Variants in SOX5 observed in about 807,000 individuals in gnomAD.
The protein encoded by SOX5 is SRY-box transcription factor 5.
A neutral mutation model predicts 92.0 loss-of-function variants in SOX5; 9 were observed. That is an observed-to-expected ratio of 0.10 (90% confidence interval 0.06 to 0.17). SOX5 has a LOEUF of 0.17. SOX5 is among the 10% of genes least tolerant of loss of function. The pLI is 1.00. For synonymous variants in SOX5, 344 were observed against 336.3 expected (o/e 1.02, Z -0.25); for missense variants, 642 against 944.5 (o/e 0.68, Z 4.20).
At chr12:23,803,939 T>C (rs1220479352) in intron 3 of SOX5, among the ~76,000 whole-genome samples, 2 of 152,296 alleles carry the variant, frequency 1.3e-5, no homozygotes, top group East Asian at 3.9e-4. Context: ...GTCCACAAAA[T>C]CTCAGATGCA....
At chr12:23,622,469 T>G (rs12426664) in intron 8 of SOX5, among the ~76,000 whole-genome samples, 17,939 of 152,144 alleles carry the variant, frequency 0.12, 1,266 homozygotes, top group Admixed American at 0.18. Flanking sequence ...AATGGTTGGT[T>G]GATATCAGTA....
At chr12:24,150,124 G>C (rs1207088512) in intron 4 of SOX5, among the ~76,000 whole-genome samples, 2 of 152,098 alleles carry the variant, frequency 1.3e-5, no homozygotes, top group African/African-American at 4.8e-5. Flanking sequence ...CTTCGAATAT[G>C]TGCAGTTCAT....
chr12:23,925,659 A>G (rs1939750357), intron 1 of SOX5, among the ~76,000 whole-genome samples: 2 of 152,082 alleles, frequency 1.3e-5, no homozygotes. Context: ...TTGAGGCTGA[A>G]TATTCTAGGC....
At chr12:23,692,567 A>T (rs1214828503) in intron 6 of SOX5, among the ~76,000 whole-genome samples, 1 of 152,248 alleles carries the variant, frequency 6.6e-6, no homozygotes, top group Non-Finnish European at 1.5e-5. Flanking sequence ...ATGACTTAAA[A>T]TATAACCAGT....
At chr12:24,293,275 G>C (rs1946821057) in intron 2 of SOX5, among the ~76,000 whole-genome samples, 1 of 152,172 alleles carries the variant, frequency 6.6e-6, no homozygotes, top group Non-Finnish European at 1.5e-5. Context: ...ATGCCCACAT[G>C]ATCACATTGC....
chr12:24,541,904 G>GTCAC (rs1246515154), intron 1 of SOX5, among the ~76,000 whole-genome samples: 5 of 152,112 alleles, frequency 3.3e-5, no homozygotes, highest in African/African-American at 9.7e-5. Flanking sequence ...GACCCATTTA[G>GTCAC]TCACGTAGCA....
chr12:23,856,916 CAG>C (rs368757550), intron 2 of SOX5, among the ~76,000 whole-genome samples: 41 of 152,222 alleles, frequency 2.7e-4, no homozygotes, highest in African/African-American at 9.4e-4. Context: ...ACCATGAAGA[CAG>C]GGAACATGTC....
Position 24,459,661 on chromosome 12 carries a change from A to G in SOX5, c.-250-91022T>C, listed in dbSNP as rs186173603. Among the ~76,000 whole-genome samples, 3 of 152,318 alleles carry G rather than the reference A, an allele frequency of 2.0e-5. No individual in the cohort carries two copies. In the East Asian group the frequency reaches 5.8e-4, roughly 29 times the overall value. ...ACAGGAGTATACAGGGTACCAAAGG[A>G]AAACTGTCTACTGTATCATTTTACT... On this transcript the variant is annotated intron_variant, in intron 1 of 4. Transcript: ENST00000446891.
At chr12:23,842,600 G>A (rs2096531867) in intron 3 of SOX5, among the ~76,000 whole-genome samples, 1 of 152,020 alleles carries the variant, frequency 6.6e-6, no homozygotes, top group African/African-American at 2.4e-5. Context: ...TCTAGCACTG[G>A]AGCAAGAAAT....
At chr12:23,586,410 G>A (rs1233274214) in intron 9 of SOX5, among the ~76,000 whole-genome samples, 6 of 151,998 alleles carry the variant, frequency 3.9e-5, no homozygotes, top group Admixed American at 2.6e-4. Flanking sequence ...AAGTGACTAG[G>A]AAACTTCGAT....
chr12:23,756,657 CCCAGTATGCT>C (rs2094392291), intron 3 of SOX5, among the ~76,000 whole-genome samples: 1 of 151,850 alleles, frequency 6.6e-6, no homozygotes, highest in Admixed American at 6.6e-5. Context: ...AGATAAGTGT[CCCAGTATGCT>C]CCATCTAAAT....
At chr12:24,156,050 C>T (rs143971222) in intron 4 of SOX5, among the ~76,000 whole-genome samples, 103 of 152,266 alleles carry the variant, frequency 6.8e-4, no homozygotes, top group African/African-American at 2.4e-3. Context: ...CCTTGTTTCT[C>T]GTGCTTAGCA....
chr12:24,473,265 A>AG (rs960674800), intron 1 of SOX5, among the ~76,000 whole-genome samples: 130 of 152,296 alleles, frequency 8.5e-4, no homozygotes, highest in Middle Eastern at 3.4e-3. Context: ...AGGAAAAAAA[A>AG]AAGCTCTCAT....
chr12:24,187,855 C>T (rs567444554), intron 4 of SOX5, among the ~76,000 whole-genome samples: 1 of 152,250 alleles, frequency 6.6e-6, no homozygotes, highest in South Asian at 2.1e-4. Flanking sequence ...TGCAGTCTTC[C>T]GTGGCTTAAG....
chr12:24,462,181 C>T (rs1943709628), intron 1 of SOX5, among the ~76,000 whole-genome samples: 1 of 152,226 alleles, frequency 6.6e-6, no homozygotes, highest in Admixed American at 6.5e-5. Flanking sequence ...CTATATGGCG[C>T]AGCCTATTAC....
At chr12:24,495,251 A>C (rs1438660111) in intron 1 of SOX5, among the ~76,000 whole-genome samples, 1 of 152,226 alleles carries the variant, frequency 6.6e-6, no homozygotes, top group African/African-American at 2.4e-5. Context: ...CCTGCAGCAC[A>C]GTATGGACCA....
At chr12:24,353,169 A>G (rs1176931892) in intron 2 of SOX5, among the ~76,000 whole-genome samples, 3 of 152,218 alleles carry the variant, frequency 2.0e-5, no homozygotes, top group Non-Finnish European at 4.4e-5. Flanking sequence ...ACCCGGCTCT[A>G]TAAGCTGCCC....
At chr12:24,051,376 A>G (rs575631384) in intron 4 of SOX5, among the ~76,000 whole-genome samples, 1 of 152,262 alleles carries the variant, frequency 6.6e-6, no homozygotes, top group South Asian at 2.1e-4. Flanking sequence ...CATAAACATA[A>G]GCACACACCC....
intron 4 of SOX5, among the ~76,000 whole-genome samples, chr12:23,749,017 G>T (rs2094098515): frequency 6.6e-6 from 1 of 151,838 alleles, no homozygotes; most frequent in African/African-American, 2.4e-5. Context: ...AACTAAGTTA[G>T]TCTAAATTTA....
Sources: allele counts gnomAD v4.1 joint callset (sites outside exome capture counted in the v4.1 genomes callset), GRCh38; gene constraint gnomAD v4.1.1; transcripts MANE v1.5; gene names NCBI Gene and HGNC (gene_info 2026-07-23, HGNC 2026-07-21).